Variants in WDFY4 observed in about 807,000 individuals in gnomAD.
WDFY4 encodes the protein WDFY family member 4, also known as WD repeat- and FYVE domain-containing protein 4.
A neutral mutation model predicts 351.9 loss-of-function variants in WDFY4; 169 were observed. That is an observed-to-expected ratio of 0.48 (90% CI 0.42 to 0.55). The LOEUF is 0.55. Ranked by LOEUF, WDFY4 falls within the 20% of genes least tolerant of loss-of-function variation. WDFY4 has a pLI of 0.00. For missense variants in WDFY4, 3,803 were observed against 3,935.6 expected, an observed-to-expected ratio of 0.97 and a Z score of 0.90; for synonymous variants, 1,622 against 1,574.6, an observed-to-expected ratio of 1.03 and a Z score of -0.71.
At chr10:48,837,404 AAC>A (rs768632006) in intron 39 of WDFY4, among the ~76,000 whole-genome samples, 96 of 152,252 alleles carry the variant, frequency 6.3e-4, no homozygotes, top group Admixed American at 1.6e-3. Flanking sequence ...TGAGAGGTTA[AAC>A]AGAGTCATGG....
At chr10:48,949,940 C>G (rs1355795657) in intron 51 of WDFY4, among the ~76,000 whole-genome samples, 2 of 152,228 alleles carry the variant, frequency 1.3e-5, no homozygotes, top group Middle Eastern at 3.4e-3. Context: ...CGTAACAGCT[C>G]CAATCTCTGA....
At chr10:48,814,380 G>A (rs1018234663) in intron 31 of WDFY4, among the ~76,000 whole-genome samples, 7 of 152,222 alleles carry the variant, frequency 4.6e-5, no homozygotes, top group African/African-American at 1.4e-4. Context: ...TTCTTAGGAG[G>A]AGGAAGGGCC....
chr10:48,873,846 T>A, intron 41 of WDFY4, 149 bp downstream of exon 41: 1 of 863,982 alleles, frequency 1.2e-6, no homozygotes, highest in Non-Finnish European at 1.8e-6. Flanking sequence ...TTATTCTCAA[T>A]GCCATTTAAG....
chr10:48,892,928 G>T (rs1264238031), intron 44 of WDFY4, among the ~76,000 whole-genome samples: 1 of 152,196 alleles, frequency 6.6e-6, no homozygotes, highest in Non-Finnish European at 1.5e-5. Context: ...GCTGATTAGG[G>T]TGGCTGTATT....
chr10:48,762,492 C>T lies in WDFY4; in HGVS notation c.2553+2052C>T, dbSNP rs538335692. Among the ~76,000 whole-genome samples the T allele has an allele frequency of 5.3e-5, 8 of 152,308 alleles. No homozygotes were observed. In the South Asian group the frequency reaches 6.2e-4, roughly 12 times the overall value. ...ACTGGGATAGGAAGTTAAAAACATC[C>T]GTGTCATTTCTCATGGTTCTGTGGG... On this transcript the variant is annotated intron_variant, in intron 13 of 61. Coordinates refer to ENST00000325239, the MANE Select transcript of WDFY4 (RefSeq NM_001394531.1).
rs1275369849 is a variant in WDFY4 at position 48,881,886 on chromosome 10, C to T, written c.7167+4687C>T. On this transcript the variant is annotated intron_variant, in intron 43 of 61. Transcript: ENST00000325239. ...GGTGCGCCCATCCCCAGCATACTCC[C>T]ACCCCAGAGCATAGCTGGTGGATCC... is the stretch of plus-strand genomic sequence containing the variant. 2.0e-5 allele frequency among the ~76,000 whole-genome samples: 3 copies of T among 152,354 alleles called. No individual in the cohort carries two copies. The East Asian group carries it at 5.8e-4, about 29-fold the overall frequency.
chr10:48,689,855 A>G (rs1036524462), intron 1 of WDFY4, among the ~76,000 whole-genome samples: 3 of 152,262 alleles, frequency 2.0e-5, no homozygotes, highest in African/African-American at 7.2e-5. Flanking sequence ...CTTAATCCTC[A>G]AGATGAGATA....
rs1842089773 is a variant in WDFY4 at position 48,966,522 on chromosome 10, C to G, written c.8437-4C>G. 1 of 1,551,836 alleles carries G rather than the reference C, an allele frequency of 6.4e-7. No individual in the cohort carries two copies. Among genetic ancestry groups the G allele is most frequent in the Non-Finnish European group, 8.7e-7 (1 of 1,146,936 alleles). On this transcript the variant is annotated splice_polypyrimidine_tract_variant and splice_region_variant and intron_variant, in intron 54 of 61. Coordinates refer to ENST00000325239, the MANE Select transcript of WDFY4 (RefSeq NM_001394531.1). ...TCATGTGTGTCTGTTCCCTGTCTCT[C>G]TAGCTCTTTACCAAACCTCACCCAG...
intron 54 of WDFY4, among the ~76,000 whole-genome samples, chr10:48,965,485 T>C (rs1842034074): frequency 6.6e-6 from 1 of 152,238 alleles, no homozygotes; most frequent in Non-Finnish European, 1.5e-5. Flanking sequence ...TCTGTTTGCA[T>C]TGATCGCCCA....
intron 12 of WDFY4, among the ~76,000 whole-genome samples, chr10:48,759,002 G>A (rs992230500): frequency 4.0e-5 from 6 of 151,590 alleles, no homozygotes; most frequent in African/African-American, 1.2e-4. Flanking sequence ...TATGAACTCT[G>A]GTCTTTGTTG....
intron 45 of WDFY4, among the ~76,000 whole-genome samples, chr10:48,899,786 C>T (rs1395988406): frequency 3.9e-5 from 6 of 152,156 alleles, no homozygotes; most frequent in Non-Finnish European, 8.8e-5. Flanking sequence ...CGGCAGGGGA[C>T]CCTGTGCTGC....
Position 48,786,553 on chromosome 10 carries a change from A to C in WDFY4, c.3577-86A>C, listed in dbSNP as rs1047383161. On this transcript the variant is annotated intron_variant, in intron 19 of 61. Coordinates refer to ENST00000325239, the MANE Select transcript of WDFY4 (RefSeq NM_001394531.1). ...ACATTTTTACTATGAGATGAGAATA[A>C]GATGCATCATGTTATATCACTTTGT... 3.6e-5 allele frequency: 35 copies of C among 979,822 alleles called. No homozygotes were observed. In the East Asian group the frequency reaches 6.1e-4, roughly 17 times the overall value. 60.7% of individuals were successfully genotyped at this position (979,822 alleles called of 1,614,324 possible).
In WDFY4 at chr10:48,778,853, G is replaced by A. The variant is rs978655156; in HGVS notation, c.3397+21G>A. On this transcript the variant is annotated intron_variant, in intron 18 of 61. Coordinates refer to ENST00000325239, the MANE Select transcript of WDFY4 (RefSeq NM_001394531.1). ...TCTGGGTAAGGTGCTGGGATCCAAA[G>A]CCAGTTTCATCCACATGTGGGGGAA... is the stretch of plus-strand genomic sequence containing the variant. 9.9e-5 allele frequency: 153 copies of A among 1,546,216 alleles called. No homozygotes were observed. The Admixed American group carries it at 1.8e-3, about 18-fold the overall frequency.
At chr10:48,948,019 T>C (rs573703381) in intron 51 of WDFY4, among the ~76,000 whole-genome samples, 1 of 152,216 alleles carries the variant, frequency 6.6e-6, no homozygotes, top group South Asian at 2.1e-4. Flanking sequence ...CTCTTTATGG[T>C]CACTCAGAGG....
chr10:48,864,401 T>C (rs914032181), intron 39 of WDFY4, among the ~76,000 whole-genome samples: 2 of 152,210 alleles, frequency 1.3e-5, no homozygotes, highest in African/African-American at 2.4e-5. Context: ...AGACAAATTG[T>C]TTTATTTTTG....
chr10:48,859,533 G>A (rs551464343), intron 39 of WDFY4, among the ~76,000 whole-genome samples: 69 of 152,154 alleles, frequency 4.5e-4, no homozygotes, highest in South Asian at 1.0e-3. Context: ...ATTACTTTTT[G>A]GATATTTGTC....
At chr10:48,729,218 G>C (rs1363717890) in intron 7 of WDFY4, among the ~76,000 whole-genome samples, 2 of 152,244 alleles carry the variant, frequency 1.3e-5, no homozygotes, top group Non-Finnish European at 2.9e-5. Flanking sequence ...CTTTTCACAG[G>C]TTACAAATGC....
At chr10:48,958,767 T>C (rs1841725185) in intron 52 of WDFY4, among the ~76,000 whole-genome samples, 1 of 151,872 alleles carries the variant, frequency 6.6e-6, no homozygotes, top group African/African-American at 2.4e-5. Flanking sequence ...ATGAGGAAAA[T>C]AGGTAGGAAA....
In WDFY4 at chr10:48,901,859, C is replaced by G. The variant is rs1215072279; in HGVS notation, c.7582C>G (p.Leu2528Val). The change falls in exon 47 of 62, where the codon CTA becomes GTA. Residue 2528 changes from leucine to valine, a missense_variant. This residue lies in a region of WDFY4 where 3,054 missense variants were observed against 3,148.6 expected (regional missense o/e 0.97). Coordinates refer to ENST00000325239, the MANE Select transcript of WDFY4 (RefSeq NM_001394531.1). Reference protein sequence around the residue: ...GKATSEDTLSLRRYPGSDRIM... With the variant: ...GKATSEDTLSVRRYPGSDRIM... Reference sequence around the variant, plus strand: ...AGCCACCTCGGAGGACACCCTCAGTCTAAGGTAATGGCGGGTAGCCATGCT... The same window carrying G: ...AGCCACCTCGGAGGACACCCTCAGTGTAAGGTAATGGCGGGTAGCCATGCT... 3 of 1,551,506 alleles carry G rather than the reference C, an allele frequency of 1.9e-6. No individual in the cohort carries two copies. Among genetic ancestry groups the G allele is most frequent in the Admixed American group, 3.9e-5 (2 of 50,998 alleles).
Sources: gnomAD v4.1 joint callset for allele counts (sites outside exome capture counted in the v4.1 genomes callset) on GRCh38, gnomAD v4.1.1 for gene constraint, gnomAD v4.1.1 regional missense constraint, MANE v1.5 for transcripts, NCBI Gene and HGNC (gene_info 2026-07-23, HGNC 2026-07-21) for gene names.